The following TECTA variants were observed in gnomAD, a reference collection of about 807,000 sequenced individuals.
TECTA encodes the protein tectorin alpha.
In TECTA, 128 loss-of-function variants were observed where a neutral mutation model predicts 216.8. That is an observed-to-expected ratio of 0.59 (90% CI 0.51 to 0.68). The LOEUF is 0.68. Among genes scored for constraint, TECTA ranks in the 30% least tolerant of loss-of-function variants. The pLI is 0.00. For missense variants in TECTA, 2,551 were observed against 2,786.2 expected, an observed-to-expected ratio of 0.92 and a Z score of 1.90; for synonymous variants, 1,089 against 1,117.1, an observed-to-expected ratio of 0.97 and a Z score of 0.50.
At chr11:121,180,490 G>A (rs1043255499) in intron 20 of TECTA, among the ~76,000 whole-genome samples, 1 of 152,102 alleles carries the variant, frequency 6.6e-6, no homozygotes, top group Admixed American at 6.6e-5. Flanking sequence ...TCTGCTGTTG[G>A]TCTGATGGGG....
chr11:121,189,285 G>A (rs576192405), intron 22 of TECTA, 118 bp downstream of exon 22: 75 of 954,040 alleles, frequency 7.9e-5, no homozygotes, highest in South Asian at 5.2e-4. Flanking sequence ...TGGGGACACC[G>A]GTTTGAGAAC....
In TECTA at chr11:121,129,773, A is replaced by T; in HGVS notation, c.2503A>T (p.Ile835Phe). The T allele has an allele frequency of 6.2e-7, 1 of 1,614,248 alleles. No homozygotes were observed. The highest frequency in any genetic ancestry group is 8.5e-7 in the Non-Finnish European group (1 of 1,180,044). The change falls in exon 10 of 24, where the codon ATC becomes TTC. Residue 835 changes from isoleucine (I) to phenylalanine (F), a missense_variant. Around this residue, in one of 3 missense-constraint regions of TECTA, gnomAD observed 2,375 missense variants for 2,563.9 expected, o/e 0.93. Coordinates refer to ENST00000392793, the MANE Select transcript of TECTA (RefSeq NM_005422.4). Reference sequence around the variant, plus strand: ...GTACTCAGACATAGGTCTATTGTACATCCGGCTGTCCACCACATACTTCAA... The same window carrying T: ...GTACTCAGACATAGGTCTATTGTACTTCCGGCTGTCCACCACATACTTCAA... The part of the protein sequence containing the change: ...VQYSDIGLLY[I>F]RLSTTYFNCT...
At chr11:121,189,638 T>G (rs893925552) in intron 22 of TECTA, 126 bp from the exon 23 acceptor site, 1 of 867,920 alleles carries the variant, frequency 1.2e-6, no homozygotes, top group Admixed American at 1.8e-5. Flanking sequence ...CCTCCCAAAG[T>G]GCTGGGATTA....
Position 121,125,848 on chromosome 11 carries a change from G to A in TECTA, c.1750G>A (p.Asp584Asn). The change falls in exon 8 of 24, where the codon GAC becomes AAC. Residue 584 changes from aspartate to asparagine, a missense_variant. Asp to Asn is a conservative substitution (Grantham distance 23, BLOSUM62 1). Around this residue, in one of 3 missense-constraint regions of TECTA, gnomAD observed 2,375 missense variants for 2,563.9 expected, o/e 0.93. Transcript: ENST00000392793. ...CCAAGCCCTTGGCATTCCAATTGGA[G>A]ACTGGCGAACCCAGACTGGGTGTGG... The part of the protein sequence containing the change: ...VCQALGIPIG[D>N]WRTQTGCVST... 6.2e-7 allele frequency: 1 copy of A among 1,611,086 alleles called. No individual in the cohort carries two copies. The highest frequency in any genetic ancestry group is 1.1e-5 in the South Asian group (1 of 91,074).
intron 18 of TECTA, among the ~76,000 whole-genome samples, chr11:121,167,249 C>T (rs1047079616): frequency 5.9e-5 from 9 of 152,178 alleles, no homozygotes; most frequent in African/African-American, 1.7e-4. Flanking sequence ...CAGGCAACAT[C>T]GCAAGACCCT....
chr11:121,142,816 G>A (rs530157778), intron 11 of TECTA, among the ~76,000 whole-genome samples: 4 of 151,688 alleles, frequency 2.6e-5, no homozygotes, highest in Admixed American at 1.3e-4. Flanking sequence ...TTCTCCTCCC[G>A]TGGCCGCTCT....
At chr11:121,108,419 A>G (rs1272774477) in intron 3 of TECTA, among the ~76,000 whole-genome samples, 1 of 149,212 alleles carries the variant, frequency 6.7e-6, no homozygotes, top group East Asian at 2.0e-4. Context: ...CCAGTACACA[A>G]ACATATACAT....
intron 20 of TECTA, among the ~76,000 whole-genome samples, chr11:121,170,082 C>T (rs569427196): frequency 5.3e-5 from 8 of 152,174 alleles, no homozygotes; most frequent in Non-Finnish European, 1.2e-4. Flanking sequence ...TAAGCTCCCA[C>T]ATGTGAGTGA....
chr11:121,119,615 C>G (rs1243101740), intron 7 of TECTA, among the ~76,000 whole-genome samples: 1 of 152,222 alleles, frequency 6.6e-6, no homozygotes, highest in African/African-American at 2.4e-5. Flanking sequence ...CTGATTGCTG[C>G]AACCCAGTGC....
chr11:121,152,019 G>T (rs1268992441), intron 12 of TECTA, among the ~76,000 whole-genome samples: 1 of 152,214 alleles, frequency 6.6e-6, no homozygotes, highest in African/African-American at 2.4e-5. Context: ...AATCAGCCAT[G>T]AAGTGAATGC....
At chr11:121,116,150 G>A (rs1946499216) in intron 6 of TECTA, among the ~76,000 whole-genome samples, 1 of 152,188 alleles carries the variant, frequency 6.6e-6, no homozygotes, top group East Asian at 1.9e-4. Context: ...ATGTTTTGCA[G>A]CTAAGCTGGT....
At chr11:121,133,525 T>C (rs998757335) in intron 10 of TECTA, among the ~76,000 whole-genome samples, 3 of 152,252 alleles carry the variant, frequency 2.0e-5, no homozygotes, top group Non-Finnish European at 4.4e-5. Flanking sequence ...CGTGTCTCTT[T>C]AGTCTCCTTT....
intron 20 of TECTA, 55 bp from the exon 21 acceptor site, chr11:121,187,777 T>G: frequency 6.2e-7 from 1 of 1,601,456 alleles, no homozygotes. Flanking sequence ...AGGTGAGGAT[T>G]AAGGTGTAAG....
intron 8 of TECTA, among the ~76,000 whole-genome samples, chr11:121,126,866 C>T (rs1946617714): frequency 6.6e-6 from 1 of 152,194 alleles, no homozygotes; most frequent in African/African-American, 2.4e-5. Flanking sequence ...TTGAATATGG[C>T]TTCTCTTTGA....
In TECTA at chr11:121,103,282, T is replaced by A. The variant is rs574826732; in HGVS notation, c.64+553T>A. On this transcript the variant is annotated intron_variant, in intron 2 of 23. Transcript: ENST00000392793. Reference sequence around the variant, plus strand: ...CCCTGGGTAAGTGAAAGGCCACATATGTCTTTTTTCTACTGTTGTTTTGGA... The same window carrying A: ...CCCTGGGTAAGTGAAAGGCCACATAAGTCTTTTTTCTACTGTTGTTTTGGA... Among the ~76,000 whole-genome samples, 67 of 152,352 alleles carry A rather than the reference T, an allele frequency of 4.4e-4. 1 individual carries two copies. Among genetic ancestry groups the A allele is most frequent in the African/African-American group, 1.6e-3 (66 of 41,584 alleles).
intron 7 of TECTA, among the ~76,000 whole-genome samples, chr11:121,120,170 T>A (rs1946543589): frequency 6.6e-6 from 1 of 152,154 alleles, no homozygotes. Context: ...ATTTTTTTTT[T>A]AGAAGGAAAG....
intron 11 of TECTA, among the ~76,000 whole-genome samples, chr11:121,140,525 C>A (rs1291888140): frequency 6.6e-6 from 1 of 152,170 alleles, no homozygotes; most frequent in African/African-American, 2.4e-5. Flanking sequence ...TAAGGGCTGC[C>A]ATAATGAAAT....
Position 121,105,757 on chromosome 11 carries a change from G to A in TECTA, c.65-74G>A. On this transcript the variant is annotated intron_variant, in intron 2 of 23. Transcript: ENST00000392793. The surrounding 1 kb of genome is among the most constrained non-coding windows in gnomAD (Gnocchi z 5.3). ...GCCCTACTGAAAGAAGCTGGCTTCAGTAGGTAGGAGAGATGTAGATTGCCA... is the reference window on the plus strand; with the variant it reads ...GCCCTACTGAAAGAAGCTGGCTTCAATAGGTAGGAGAGATGTAGATTGCCA... The A allele has an allele frequency of 6.3e-7, 1 of 1,598,658 alleles. No homozygotes were observed. Among genetic ancestry groups the A allele is most frequent in the African/African-American group, 1.3e-5 (1 of 74,858 alleles).
intron 3 of TECTA, among the ~76,000 whole-genome samples, chr11:121,107,518 C>G (rs1159102472): frequency 6.6e-6 from 1 of 152,180 alleles, no homozygotes; most frequent in Admixed American, 6.5e-5. Flanking sequence ...TAACTTGCCT[C>G]TGGGATCTGG....
Sources: gnomAD v4.1 joint callset for allele counts (sites outside exome capture counted in the v4.1 genomes callset) on GRCh38, gnomAD v4.1.1 for gene constraint, gnomAD v4.1.1 regional missense constraint, Gnocchi (gnomAD v3.1) non-coding constraint, MANE v1.5 for transcripts, NCBI Gene and HGNC (gene_info 2026-07-23, HGNC 2026-07-21) for gene names.